Variants in GMCL1 observed in about 807,000 individuals in gnomAD.
GMCL1 encodes the protein germ cell-less protein-like 1.
In GMCL1, 54 loss-of-function variants were observed where a neutral mutation model predicts 75.5. The ratio of observed to expected loss-of-function variants is 0.71; its 90% CI spans 0.57 to 0.90. The LOEUF is 0.90. GMCL1 is among the 40% of genes least tolerant of loss of function. The pLI is 0.00. For synonymous variants in GMCL1, 210 were observed against 209.6 expected (o/e 1.00, Z -0.02); for missense variants, 537 against 622.7 (o/e 0.86, Z 1.47).
At chr2:69,844,652 A>G (rs1433532560) in intron 6 of GMCL1, 1 of 154,526 alleles carries the variant, frequency 6.5e-6, no homozygotes, top group Non-Finnish European at 1.4e-5. Context: ...CTATAAATGT[A>G]TATTTTTCCA....
At chr2:69,869,494 G>T in intron 11 of GMCL1, 1 of 391,826 alleles carries the variant, frequency 2.6e-6, no homozygotes, top group Non-Finnish European at 4.6e-6. Flanking sequence ...AACTGATCAT[G>T]AAGAGGAAAG....
intron 9 of GMCL1, among the ~76,000 whole-genome samples, chr2:69,859,144 CA>C (rs571712437): frequency 0.017 from 1,062 of 62,666 alleles, 4 homozygotes; most frequent in East Asian, 0.042. Context: ...GACTCTGTCT[CA>C]AAAAAAAAAA....
chr2:69,878,035 A>G (rs557155661), intron 13 of GMCL1, among the ~76,000 whole-genome samples: 9 of 152,308 alleles, frequency 5.9e-5, no homozygotes, highest in African/African-American at 2.2e-4. Flanking sequence ...GATTGATTCT[A>G]TTTACCAAAT....
intron 11 of GMCL1, 56 bp downstream of exon 11, chr2:69,865,031 C>T: frequency 7.9e-7 from 1 of 1,271,426 alleles, no homozygotes; most frequent in African/African-American, 1.5e-5. Context: ...ATCAGCACAT[C>T]CTGCACCTGT....
At position 69,854,120 on chromosome 2, in the gene GMCL1, G is replaced by GTATTATTATTAT. The variant is rs70954364; in HGVS notation, c.935-684_935-673dup. On this transcript the variant is annotated intron_variant, in intron 8 of 13. Transcript: ENST00000282570. Reference sequence around the variant, plus strand: ...GCCCAGCCAAATTATTCTATTTTCAGTATTATTATTATTATTATTATTATT... The same window carrying GTATTATTATTAT: ...GCCCAGCCAAATTATTCTATTTTCAGTATTATTATTATTATTATTATTATTATTATTATTATT... 9.9e-4 allele frequency among the ~76,000 whole-genome samples: 142 copies of GTATTATTATTAT among 144,000 alleles called. 1 individual carries two copies. Among genetic ancestry groups the GTATTATTATTAT allele is most frequent in the Middle Eastern group, 3.6e-3 (1 of 274 alleles). 94.5% of individuals were successfully genotyped at this position (144,000 alleles called of 152,430 possible).
At chr2:69,871,215 A>C (rs1008309704) in intron 12 of GMCL1, among the ~76,000 whole-genome samples, 2 of 152,194 alleles carry the variant, frequency 1.3e-5, no homozygotes, top group Non-Finnish European at 2.9e-5. Context: ...ATTCTCATAC[A>C]TGCTAAACAT....
chr2:69,877,358 G>A (rs756817953), intron 13 of GMCL1, among the ~76,000 whole-genome samples: 5 of 152,106 alleles, frequency 3.3e-5, no homozygotes, highest in Admixed American at 3.3e-4. Flanking sequence ...TTGGCCCTTT[G>A]ACCTACCCTT....
chr2:69,839,667 A>G (rs969082969), intron 3 of GMCL1, 114 bp downstream of exon 3: 2 of 605,926 alleles, frequency 3.3e-6, no homozygotes, highest in Non-Finnish European at 5.9e-6. Context: ...TCCTTTTATC[A>G]CCTCAAGGTG....
rs1676242617 is a variant in GMCL1, at chr2:69,880,228, G to A, written c.*1224G>A. 1 of 151,906 alleles carries A rather than the reference G, an allele frequency of 6.6e-6. No individual in the cohort carries two copies. Among genetic ancestry groups the A allele is most frequent in the Admixed American group, 6.6e-5 (1 of 15,238 alleles). The allele number at this position is 151,906 out of a possible 1,614,324, so 9.4% of individuals were successfully genotyped here. A position where few individuals can be genotyped will look rare whatever the true frequency, so the allele number is the denominator to read the frequency against. ...AAATGGGAATCATTTTTATGTATCT[G>A]TGCAAATAATAAATGCCCATTTGGA... is the stretch of plus-strand genomic sequence containing the variant. On this transcript the variant is annotated 3_prime_UTR_variant, in exon 14 of 14. Transcript: ENST00000282570.
chr2:69,848,306 T>G (rs1675213510), intron 7 of GMCL1, among the ~76,000 whole-genome samples: 1 of 151,212 alleles, frequency 6.6e-6, no homozygotes, highest in African/African-American at 2.4e-5. Context: ...ACTTTCTAGC[T>G]TATCTCATAG....
At chr2:69,869,894 C>T in intron 12 of GMCL1, 30 bp downstream of exon 12, 1 of 1,599,938 alleles carries the variant, frequency 6.3e-7, no homozygotes. Flanking sequence ...CCCCACTCCT[C>T]CTCACTCCAG....
Position 69,843,179 on chromosome 2 carries a change from A to G in GMCL1, c.610A>G (p.Met204Val). 1 of 1,611,678 alleles carries G rather than the reference A, an allele frequency of 6.2e-7. No homozygotes were observed. The highest frequency in any genetic ancestry group is 2.2e-5 in the East Asian group (1 of 44,786). Residue 204 changes from methionine (M) to valine (V), a missense_variant, in exon 5 of 14, where the codon ATG (methionine) becomes GTG (valine). This residue lies in a region of GMCL1 where 345 missense variants were observed against 410.5 expected (regional missense o/e 0.84). Coordinates refer to ENST00000282570, the MANE Select transcript of GMCL1 (RefSeq NM_178439.5). The stretch of plus-strand genomic sequence containing the variant: ...TTTAATACAGCAGTGTGGTGAGACA[A>G]TGAAGGAAACAGTTAATGTGAAAAC... ...DGLIQQCGET[M>V]KETVNVKTVC...
intron 9 of GMCL1, among the ~76,000 whole-genome samples, chr2:69,857,884 TAAAC>T (rs967344816): frequency 2.6e-5 from 4 of 152,218 alleles, no homozygotes; most frequent in South Asian, 2.1e-4. Context: ...TCCCTTCACT[TAAAC>T]AAAAAATACT....
intron 9 of GMCL1, among the ~76,000 whole-genome samples, chr2:69,859,713 C>T (rs1675583042): frequency 7.5e-6 from 1 of 134,070 alleles, no homozygotes; most frequent in Non-Finnish European, 1.5e-5. Context: ...CAGCCTGGGC[C>T]ACAGAGTGAG....
chr2:69,863,890 C>G (rs1183415590), intron 10 of GMCL1, among the ~76,000 whole-genome samples: 1 of 152,016 alleles, frequency 6.6e-6, no homozygotes, highest in Admixed American at 6.6e-5. Flanking sequence ...GCTCCAGTTC[C>G]TTTTTATCCA....
chr2:69,870,876 C>T (rs1474258353), intron 12 of GMCL1, among the ~76,000 whole-genome samples: 1 of 152,094 alleles, frequency 6.6e-6, no homozygotes, highest in Non-Finnish European at 1.5e-5. Context: ...ACAAAAGTAA[C>T]AGGTGTTGGC....
At chr2:69,861,920 T>C (rs976646485) in intron 10 of GMCL1, among the ~76,000 whole-genome samples, 6 of 152,114 alleles carry the variant, frequency 3.9e-5, no homozygotes, top group Admixed American at 1.3e-4. Context: ...CCGTCTCTAC[T>C]AAACCCTGGA....
intron 12 of GMCL1, among the ~76,000 whole-genome samples, chr2:69,871,396 G>A (rs138518087): frequency 2.0e-5 from 3 of 152,330 alleles, no homozygotes; most frequent in Non-Finnish European, 2.9e-5. Context: ...TGTTTAATGG[G>A]TAAGGAGCTT....
chr2:69,837,458 T>G, intron 1 of GMCL1, 89 bp from the exon 2 acceptor site: 4 of 1,025,486 alleles, frequency 3.9e-6, no homozygotes, highest in Non-Finnish European at 5.5e-6. Context: ...TAATAGAAAT[T>G]GAATAAAAGG....
Sources: allele counts gnomAD v4.1 joint callset (sites outside exome capture counted in the v4.1 genomes callset), GRCh38; gene constraint gnomAD v4.1.1; regional missense constraint gnomAD v4.1.1; transcripts MANE v1.5; gene names NCBI Gene and HGNC (gene_info 2026-07-23, HGNC 2026-07-21).